Variants in WWC2 observed in about 807,000 individuals in gnomAD.
The protein encoded by WWC2 is protein WWC2.
A neutral mutation model predicts 138.5 loss-of-function variants in WWC2; 101 were observed. That is an observed-to-expected ratio of 0.73 (90% confidence interval 0.62 to 0.86). The LOEUF is 0.86. Among genes scored for constraint, WWC2 ranks in the 40% least tolerant of loss-of-function variants. WWC2 has a pLI of 0.00. For synonymous variants in WWC2, 558 were observed against 538.4 expected, an observed-to-expected ratio of 1.04 and a Z score of -0.50; for missense variants, 1,420 against 1,419.4, an observed-to-expected ratio of 1.00 and a Z score of -0.01.
intron 1 of WWC2, among the ~76,000 whole-genome samples, chr4:183,113,596 G>A (rs1298983023): frequency 2.6e-5 from 4 of 151,926 alleles, no homozygotes; most frequent in Admixed American, 2.6e-4. Flanking sequence ...CAGAGCCTCA[G>A]TATGTTGCCA....
chr4:183,314,207 C>CA (rs1560901264), intron 22 of WWC2, among the ~76,000 whole-genome samples: 1 of 152,126 alleles, frequency 6.6e-6, no homozygotes, highest in Non-Finnish European at 1.5e-5. Context: ...GCTAAAGAAT[C>CA]ACATTTGTGA....
chr4:183,207,438 A>G (rs1411486972), intron 2 of WWC2, among the ~76,000 whole-genome samples: 2 of 152,260 alleles, frequency 1.3e-5, no homozygotes, highest in African/African-American at 4.8e-5. Flanking sequence ...CAGATAAACA[A>G]TAACTGACTA....
At position 183,259,713 on chromosome 4, in the gene WWC2, A is replaced by G. The variant is rs1737265466; in HGVS notation, c.1271A>G (p.His424Arg). 1 of 1,546,572 alleles carries G rather than the reference A, an allele frequency of 6.5e-7. No homozygotes were observed. Among genetic ancestry groups the G allele is most frequent in the Non-Finnish European group, 8.7e-7 (1 of 1,145,204 alleles). Reference protein sequence around the residue: ...EETTKLTTYLHSQLKSLSAST... With the variant: ...EETTKLTTYLRSQLKSLSAST... ...ACTACTAAATTAACTACTTATTTGCATTCACAACTTAAAAGGTGAGCTTAT... is the reference window on the plus strand; with the variant it reads ...ACTACTAAATTAACTACTTATTTGCGTTCACAACTTAAAAGGTGAGCTTAT... The change falls in exon 10 of 23, where the codon CAT (histidine) becomes CGT (arginine). Residue 424 changes from histidine to arginine, a missense_variant. Physicochemically the swap from His to Arg is conservative, Grantham distance 29. Transcript: ENST00000403733.
At chr4:183,240,349 C>A (rs951740128) in intron 5 of WWC2, 87 bp downstream of exon 5, 2 of 1,049,426 alleles carry the variant, frequency 1.9e-6, no homozygotes, top group Non-Finnish European at 2.6e-6. Context: ...ATTACATAAG[C>A]GATTTCTTAA....
intron 1 of WWC2, among the ~76,000 whole-genome samples, chr4:183,104,930 C>CA (rs1027434604): frequency 6.6e-6 from 1 of 152,056 alleles, no homozygotes; most frequent in African/African-American, 2.4e-5. Context: ...TTTTTTGAGA[C>CA]AGAGTTGGCT....
At chr4:183,100,042 G>A (rs944871623) in intron 1 of WWC2, among the ~76,000 whole-genome samples, 1 of 152,226 alleles carries the variant, frequency 6.6e-6, no homozygotes, top group African/African-American at 2.4e-5. Context: ...GCCACCTGTG[G>A]CATCCCTCAG....
intron 16 of WWC2, among the ~76,000 whole-genome samples, chr4:183,274,538 C>T (rs1451123404): frequency 6.6e-6 from 1 of 152,154 alleles, no homozygotes; most frequent in African/African-American, 2.4e-5. Context: ...AAAACCTAAT[C>T]ATCACACTTA....
At position 183,269,012 on chromosome 4, in the gene WWC2, GCTGT is replaced by G. The variant is rs754088456; in HGVS notation, c.2254_2257del (p.Leu752PhefsTer32). The G allele has an allele frequency of 6.2e-7, 1 of 1,613,754 alleles. No individual in the cohort carries two copies. Among genetic ancestry groups the G allele is most frequent in the South Asian group, 1.1e-5 (1 of 91,026 alleles). On this transcript the variant is annotated frameshift_variant, in exon 15 of 23. Transcript: ENST00000403733. LOFTEE classifies it high-confidence loss of function. ...GTTCTTCCTTCCTCAACTGATGTCAGCTGTCTGTTTCGCACAAAAGTTCATCCGC... is the reference window on the plus strand; with the variant it reads ...GTTCTTCCTTCCTCAACTGATGTCAGCTGTTTCGCACAAAAGTTCATCCGC...
intron 4 of WWC2, among the ~76,000 whole-genome samples, chr4:183,225,355 T>A (rs1381543945): frequency 6.6e-6 from 1 of 152,234 alleles, no homozygotes; most frequent in Non-Finnish European, 1.5e-5. Context: ...AGTAGCACTT[T>A]TTATGATTAG....
chr4:183,215,936 T>C (rs115065964), intron 4 of WWC2, among the ~76,000 whole-genome samples: 503 of 152,308 alleles, frequency 3.3e-3, no homozygotes, highest in Non-Finnish European at 3.9e-3. Flanking sequence ...AAAATATCAC[T>C]CATAAATGAT....
intron 16 of WWC2, among the ~76,000 whole-genome samples, chr4:183,273,366 A>G (rs893843902): frequency 1.3e-5 from 2 of 152,104 alleles, no homozygotes; most frequent in African/African-American, 2.4e-5. Context: ...GTACAATGGC[A>G]TAATCTCGGC....
intron 9 of WWC2, among the ~76,000 whole-genome samples, chr4:183,255,086 A>G (rs1208966126): frequency 6.6e-6 from 1 of 152,240 alleles, no homozygotes; most frequent in East Asian, 1.9e-4. Context: ...AATGTTGATC[A>G]AGGTAACACG....
intron 1 of WWC2, among the ~76,000 whole-genome samples, chr4:183,173,840 T>C (rs1287104228): frequency 6.6e-6 from 1 of 152,196 alleles, no homozygotes; most frequent in Non-Finnish European, 1.5e-5. Flanking sequence ...ATTGCAGCGT[T>C]ATCTAGCCTG....
chr4:183,297,896 C>T (rs761203424), intron 21 of WWC2, among the ~76,000 whole-genome samples: 4 of 152,196 alleles, frequency 2.6e-5, no homozygotes, highest in Non-Finnish European at 5.9e-5. Context: ...AATTGTTCTA[C>T]CCATGTGCAC....
At chr4:183,267,534 C>T (rs748043034) in intron 14 of WWC2, among the ~76,000 whole-genome samples, 32 of 152,198 alleles carry the variant, frequency 2.1e-4, no homozygotes, top group Non-Finnish European at 4.0e-4. Flanking sequence ...TGCACAACTT[C>T]AGGAGAAAAC....
At chr4:183,269,295 T>C in intron 15 of WWC2, 132 bp downstream of exon 15, 1 of 880,766 alleles carries the variant, frequency 1.1e-6, no homozygotes, top group Non-Finnish European at 1.8e-6. Context: ...ATACATCTAG[T>C]GTTTGTTCAT....
chr4:183,187,325 G>A (rs568176201), intron 1 of WWC2, among the ~76,000 whole-genome samples: 9 of 152,022 alleles, frequency 5.9e-5, no homozygotes, highest in South Asian at 4.2e-4. Flanking sequence ...AGGCCGAGGC[G>A]GGTGGATTAC....
chr4:183,252,654 A>G (rs1443854052), intron 8 of WWC2, among the ~76,000 whole-genome samples: 1 of 152,182 alleles, frequency 6.6e-6, no homozygotes, highest in African/African-American at 2.4e-5. Context: ...GTACTAGTGA[A>G]GGTCCACCGT....
chr4:183,288,823 A>T (rs1353530027), intron 20 of WWC2, among the ~76,000 whole-genome samples: 1 of 152,238 alleles, frequency 6.6e-6, no homozygotes, highest in African/African-American at 2.4e-5. Context: ...ATTGGAGGAG[A>T]TAGTCAAAAC....
Sources: allele counts gnomAD v4.1 joint callset (sites outside exome capture counted in the v4.1 genomes callset), GRCh38; gene constraint gnomAD v4.1.1; transcripts MANE v1.5; gene names NCBI Gene and HGNC (gene_info 2026-07-23, HGNC 2026-07-21).